The following RIC1 variants were observed in gnomAD, a reference collection of about 807,000 sequenced individuals.
RIC1 encodes guanine nucleotide exchange factor subunit RIC1.
In RIC1, 88 loss-of-function variants were observed where a neutral mutation model predicts 169.0. The ratio of observed to expected loss-of-function variants is 0.52; its 90% CI spans 0.44 to 0.62. RIC1 has a LOEUF of 0.62. Ranked by LOEUF, RIC1 falls within the 20% of genes least tolerant of loss-of-function variation. The pLI, the probability that RIC1 is intolerant of heterozygous loss-of-function variation, is 0.00. For synonymous variants in RIC1, 790 were observed against 601.5 expected (o/e 1.31, Z -4.59); for missense variants, 1,877 against 1,725.5 (o/e 1.09, Z -1.56).
At chr9:5,757,206 A>T in intron 16 of RIC1, 107 bp from the exon 17 acceptor site, 1 of 1,285,198 alleles carries the variant, frequency 7.8e-7, no homozygotes, top group Non-Finnish European at 1.1e-6. Context: ...GTAGTAAGAC[A>T]TCTGAGTCTT....
chr9:5,673,216 A>T (rs770326068), intron 2 of RIC1, among the ~76,000 whole-genome samples: 3 of 152,078 alleles, frequency 2.0e-5, no homozygotes, highest in Non-Finnish European at 2.9e-5. Flanking sequence ...AAAACTTCCT[A>T]TGGAAGACCA....
At chr9:5,632,597 A>G (rs1206159921) in intron 1 of RIC1, among the ~76,000 whole-genome samples, 2 of 152,168 alleles carry the variant, frequency 1.3e-5, no homozygotes, top group Non-Finnish European at 1.5e-5. Flanking sequence ...GTGTTAAAAA[A>G]AGGCTCAGTA....
At chr9:5,730,445 C>T (rs771079528) in intron 6 of RIC1, among the ~76,000 whole-genome samples, 1 of 152,074 alleles carries the variant, frequency 6.6e-6, no homozygotes, top group Non-Finnish European at 1.5e-5. Flanking sequence ...AAGCAAAAAA[C>T]AGCTAGACAC....
At chr9:5,671,556 A>G (rs145069649) in intron 2 of RIC1, among the ~76,000 whole-genome samples, 3 of 152,342 alleles carry the variant, frequency 2.0e-5, no homozygotes, top group African/African-American at 7.2e-5. Context: ...GATTATGGGC[A>G]TGAGTCACTG....
In RIC1 at chr9:5,690,096, A is replaced by G. The variant is rs895298627; in HGVS notation, c.332+58A>G. On this transcript the variant is annotated intron_variant, in intron 3 of 25. Coordinates refer to ENST00000414202, the MANE Select transcript of RIC1 (RefSeq NM_020829.4). ...TGATTTGCATACTTTATATTCAGAA[A>G]AACATTACAGTTTTGAGTTGTCTGT... 4.2e-6 allele frequency: 5 copies of G among 1,193,528 alleles called. No individual in the cohort carries two copies. The African/African-American group carries it at 4.7e-5, about 11-fold the overall frequency. 73.9% of individuals were successfully genotyped at this position (1,193,528 alleles called of 1,614,324 possible).
intron 7 of RIC1, among the ~76,000 whole-genome samples, chr9:5,735,534 A>G (rs752022611): frequency 2.6e-5 from 4 of 152,206 alleles, no homozygotes; most frequent in Non-Finnish European, 5.9e-5. Flanking sequence ...CTCAGTTTTC[A>G]TCAGCTACGA....
intron 5 of RIC1, 30 bp downstream of exon 5, chr9:5,720,354 C>A: frequency 6.3e-7 from 1 of 1,588,518 alleles, no homozygotes; most frequent in Non-Finnish European, 8.6e-7. Flanking sequence ...GAGGTTGAAC[C>A]AGTTGTTTAA....
At chr9:5,748,087 A>G (rs1825496698) in intron 12 of RIC1, among the ~76,000 whole-genome samples, 1 of 152,234 alleles carries the variant, frequency 6.6e-6, no homozygotes, top group African/African-American at 2.4e-5. Flanking sequence ...GACATTTAAC[A>G]TGGAAATTAA....
At chr9:5,645,398 C>T (rs1219804433) in intron 1 of RIC1, among the ~76,000 whole-genome samples, 2 of 152,148 alleles carry the variant, frequency 1.3e-5, no homozygotes, top group Non-Finnish European at 2.9e-5. Context: ...CTTTATATGT[C>T]TTGATACAAA....
intron 4 of RIC1, among the ~76,000 whole-genome samples, chr9:5,714,903 A>G (rs759128113): frequency 2.0e-5 from 3 of 152,158 alleles, no homozygotes; most frequent in Non-Finnish European, 4.4e-5. Context: ...TATGAATGTC[A>G]TGCTACTTTT....
chr9:5,658,599 C>T (rs188077393), intron 2 of RIC1, among the ~76,000 whole-genome samples: 8 of 151,866 alleles, frequency 5.3e-5, no homozygotes, highest in Middle Eastern at 3.4e-3. Context: ...CAGTACAACC[C>T]GAAGTAGAAT....
At chr9:5,682,831 A>C (rs1189756955) in intron 2 of RIC1, among the ~76,000 whole-genome samples, 1 of 152,152 alleles carries the variant, frequency 6.6e-6, no homozygotes. Flanking sequence ...CTTTTCACAT[A>C]GTCCTATATT....
At chr9:5,713,780 G>A in intron 3 of RIC1, 116 bp from the exon 4 acceptor site, 1 of 579,162 alleles carries the variant, frequency 1.7e-6, no homozygotes, top group Non-Finnish European at 3.1e-6. Flanking sequence ...GAATCTGAAG[G>A]ATGAATACCT....
At chr9:5,652,366 T>A (rs1002322799) in intron 1 of RIC1, among the ~76,000 whole-genome samples, 2 of 152,208 alleles carry the variant, frequency 1.3e-5, no homozygotes, top group African/African-American at 4.8e-5. Context: ...TCCATGTATT[T>A]GTGTTTTCTT....
At chr9:5,724,224 T>C (rs559036600) in intron 6 of RIC1, among the ~76,000 whole-genome samples, 2 of 152,346 alleles carry the variant, frequency 1.3e-5, no homozygotes, top group East Asian at 3.9e-4. Context: ...TTGTGTCCTC[T>C]TTTATTTCGT....
intron 1 of RIC1, among the ~76,000 whole-genome samples, chr9:5,635,665 A>T (rs1192280612): frequency 1.3e-5 from 2 of 152,142 alleles, no homozygotes; most frequent in Non-Finnish European, 2.9e-5. Context: ...CGTAATCCTC[A>T]TAATCCCCAT....
intron 13 of RIC1, 34 bp from the exon 14 acceptor site, chr9:5,753,502 G>A (rs555609923): frequency 1.5e-6 from 2 of 1,339,580 alleles, no homozygotes; most frequent in South Asian, 1.3e-5. Flanking sequence ...ATATAGGTTT[G>A]CAAGGAAAAG....
At chr9:5,757,271 A>G (rs1826065087) in intron 16 of RIC1, 42 bp from the exon 17 acceptor site, 2 of 1,606,782 alleles carry the variant, frequency 1.2e-6, no homozygotes, top group Admixed American at 1.7e-5. Flanking sequence ...AAATCTTATT[A>G]GCATTGTTGT....
intron 9 of RIC1, 25 bp downstream of exon 9, chr9:5,743,038 GATAAA>G: frequency 6.3e-7 from 1 of 1,594,446 alleles, no homozygotes; most frequent in Non-Finnish European, 8.5e-7. Context: ...ACAATTTTTA[GATAAA>G]ATAACTCCAT....
Sources: allele counts gnomAD v4.1 joint callset (sites outside exome capture counted in the v4.1 genomes callset), GRCh38; gene constraint gnomAD v4.1.1; transcripts MANE v1.5; gene names NCBI Gene and HGNC (gene_info 2026-07-23, HGNC 2026-07-21).